Variants in EYS observed in about 807,000 individuals in gnomAD.
EYS encodes protein eyes shut homolog.
Under a neutral mutation model 282.1 loss-of-function variants are expected in EYS, and 250 were observed. The observed-to-expected ratio is 0.89, with a 90% CI of 0.80 to 0.98. The LOEUF (loss-of-function observed/expected upper bound fraction) is 0.98, where lower values mean the gene tolerates loss of function less well. EYS is among the 50% of genes least tolerant of loss of function. The probability of loss-of-function intolerance (pLI) is 0.00; values close to 1 mark genes in which losing one functional copy is unlikely to be tolerated. For synonymous variants in EYS, 1,355 were observed against 1,282.9 expected, an observed-to-expected ratio of 1.06 and a Z score of -1.20; for missense variants, 4,016 against 3,709.0, an observed-to-expected ratio of 1.08 and a Z score of -2.15.
At chr6:63,899,702 A>C (rs1230519663) in intron 35 of EYS, among the ~76,000 whole-genome samples, 1 of 152,084 alleles carries the variant, frequency 6.6e-6, no homozygotes, top group Non-Finnish European at 1.5e-5. Flanking sequence ...TTCTCATAGC[A>C]CTGAGCACAG....
intron 29 of EYS, among the ~76,000 whole-genome samples, chr6:64,368,185 C>T: frequency 6.6e-6 from 1 of 152,150 alleles, no homozygotes. Context: ...TAAGTGAAAA[C>T]ATGTGGTGTT....
chr6:65,074,613 T>C (rs746643081), intron 12 of EYS, among the ~76,000 whole-genome samples: 1 of 151,972 alleles, frequency 6.6e-6, no homozygotes, highest in South Asian at 2.1e-4. Flanking sequence ...TCTATAGCAG[T>C]GAGAAAGTGA....
At chr6:63,889,569 G>T (rs1028878286) in intron 35 of EYS, among the ~76,000 whole-genome samples, 1 of 152,148 alleles carries the variant, frequency 6.6e-6, no homozygotes, top group African/African-American at 2.4e-5. Context: ...ACAAGCAAAT[G>T]CTGAAGGATT....
chr6:64,544,219 CT>C (rs1407492987), intron 26 of EYS, among the ~76,000 whole-genome samples: 2 of 152,284 alleles, frequency 1.3e-5, no homozygotes, highest in Non-Finnish European at 1.5e-5. Context: ...AACCTGTACA[CT>C]CGCTAAGAGA....
intron 22 of EYS, among the ~76,000 whole-genome samples, chr6:64,721,688 C>T (rs762973176): frequency 1.3e-5 from 2 of 151,962 alleles, no homozygotes; most frequent in African/African-American, 2.4e-5. Flanking sequence ...AAGAATAGCA[C>T]GATAAGCCCA....
chr6:63,972,813 G>T (rs1766648108), intron 35 of EYS, among the ~76,000 whole-genome samples: 1 of 151,940 alleles, frequency 6.6e-6, no homozygotes, highest in Non-Finnish European at 1.5e-5. Flanking sequence ...TTCTGTGTTA[G>T]TTTAGAGAAT....
chr6:64,055,763 G>A (rs150266222), intron 33 of EYS, among the ~76,000 whole-genome samples: 87 of 152,210 alleles, frequency 5.7e-4, no homozygotes, highest in African/African-American at 1.9e-3. Context: ...GTCACTCCTC[G>A]TAAGAAACAG....
intron 31 of EYS, among the ~76,000 whole-genome samples, chr6:64,228,087 A>G (rs965041824): frequency 1.3e-5 from 2 of 152,134 alleles, no homozygotes; most frequent in African/African-American, 4.8e-5. Context: ...TTCCTGAATT[A>G]CAGACCTTAG....
chr6:64,207,192 C>T (rs575827533), intron 31 of EYS, among the ~76,000 whole-genome samples: 1 of 152,014 alleles, frequency 6.6e-6, no homozygotes, highest in East Asian at 1.9e-4. Flanking sequence ...ATGCTATTAT[C>T]CTGGGAGTGG....
intron 2 of EYS, among the ~76,000 whole-genome samples, chr6:65,578,554 A>G: frequency 6.6e-6 from 1 of 151,966 alleles, no homozygotes; most frequent in South Asian, 2.1e-4. Flanking sequence ...AAATAACAAT[A>G]TATTGTATAC....
At chr6:64,311,979 G>GTT (rs61332669) in intron 29 of EYS, among the ~76,000 whole-genome samples, 4 of 139,926 alleles carry the variant, frequency 2.9e-5, no homozygotes, top group Non-Finnish European at 6.1e-5. Flanking sequence ...GCTGCAGAAG[G>GTT]TTTTTTTTTT....
At chr6:64,941,450 T>A (rs1004692745) in intron 15 of EYS, among the ~76,000 whole-genome samples, 1 of 152,092 alleles carries the variant, frequency 6.6e-6, no homozygotes, top group African/African-American at 2.4e-5. Context: ...ACTAAGAATT[T>A]CTTTTTCATG....
chr6:64,914,186 G>A (rs78694564), intron 15 of EYS, among the ~76,000 whole-genome samples: 4,742 of 152,188 alleles, frequency 0.031, 132 homozygotes, highest in East Asian at 0.13. Context: ...CAGATAGAGA[G>A]TAAATGCAAA....
chr6:65,345,880 G>A lies in EYS; in HGVS notation c.1460-1703C>T, dbSNP rs544409288. Among the ~76,000 whole-genome samples, 383 of 150,620 alleles carry A rather than the reference G, an allele frequency of 2.5e-3. 3 individuals are homozygous for A. The highest frequency in any genetic ancestry group is 0.018 in the South Asian group (87 of 4,770). On this transcript the variant is annotated intron_variant, in intron 9 of 42. Coordinates refer to ENST00000503581, the MANE Select transcript of EYS (RefSeq NM_001142800.2). ...AACACAAATGAGGGGATATAATTATGAAAAAAAAATTGGACTAGCAGAAAT... is the reference window on the plus strand; with the variant it reads ...AACACAAATGAGGGGATATAATTATAAAAAAAAAATTGGACTAGCAGAAAT...
intron 22 of EYS, among the ~76,000 whole-genome samples, chr6:64,740,917 G>C (rs562362594): frequency 6.6e-6 from 1 of 152,100 alleles, no homozygotes; most frequent in East Asian, 1.9e-4. Flanking sequence ...GTTTCACCAT[G>C]TTAGCCAGGA....
intron 22 of EYS, among the ~76,000 whole-genome samples, chr6:64,763,230 G>T (rs1773219331): frequency 1.3e-5 from 2 of 152,248 alleles, no homozygotes; most frequent in South Asian, 4.1e-4. Flanking sequence ...TGCTATAAAA[G>T]AACTAACTGA....
chr6:65,322,233 G>A (rs1461163926), intron 11 of EYS, among the ~76,000 whole-genome samples: 1 of 152,176 alleles, frequency 6.6e-6, no homozygotes, highest in Non-Finnish European at 1.5e-5. Context: ...AGAGGAACCA[G>A]ATGAAATGAG....
At chr6:65,504,696 A>G (rs1220200987) in intron 2 of EYS, among the ~76,000 whole-genome samples, 1 of 151,562 alleles carries the variant, frequency 6.6e-6, no homozygotes, top group Non-Finnish European at 1.5e-5. Flanking sequence ...GTAGATTACA[A>G]TGATTAATTT....
Position 63,984,567 on chromosome 6 carries a change from C to T in EYS, c.6871G>A (p.Ala2291Thr). The change falls in exon 35 of 43, where the codon GCA becomes ACA. Residue 2291 changes from alanine (A) to threonine (T), a missense_variant. Ala to Thr is a moderately conservative substitution (Grantham distance 58, BLOSUM62 0). Coordinates refer to ENST00000503581, the MANE Select transcript of EYS (RefSeq NM_001142800.2). Reference protein sequence around the residue: ...FESMFLGHIPANVQIHKKAGP... With the variant: ...FESMFLGHIPTNVQIHKKAGP... ...GCTTTCTTATGAATTTGAACATTTG[C>T]AGGAATATGGCCAAGGAACATTGAT... The T allele has an allele frequency of 6.5e-7, 1 of 1,549,414 alleles. No individual in the cohort carries two copies. Among genetic ancestry groups the T allele is most frequent in the Non-Finnish European group, 8.7e-7 (1 of 1,145,484 alleles).
Sources: gnomAD v4.1 joint callset for allele counts (sites outside exome capture counted in the v4.1 genomes callset) on GRCh38, gnomAD v4.1.1 for gene constraint, MANE v1.5 for transcripts, NCBI Gene and HGNC (gene_info 2026-07-23, HGNC 2026-07-21) for gene names.